The following FAIM variants were observed in gnomAD, a reference collection of about 807,000 sequenced individuals.
FAIM encodes the protein Fas apoptotic inhibitory molecule, also known as fas apoptotic inhibitory molecule 1.
FAIM carries 14 observed loss-of-function variants against 21.2 expected under a neutral mutation model. The observed-to-expected ratio is 0.66, with a 90% CI of 0.44 to 1.03. The LOEUF is 1.03. FAIM is among the 50% of genes least tolerant of loss of function. The probability of loss-of-function intolerance (pLI) is 0.00; values close to 1 mark genes in which losing one functional copy is unlikely to be tolerated. For missense variants in FAIM, 222 were observed against 247.1 expected (o/e 0.90, Z 0.68); for synonymous variants, 86 against 80.4 (o/e 1.07, Z -0.37).
intron 5 of FAIM, among the ~76,000 whole-genome samples, chr3:138,632,382 T>C (rs1428681156): frequency 1.3e-5 from 2 of 152,114 alleles, no homozygotes; most frequent in Non-Finnish European, 2.9e-5. Flanking sequence ...GACTAGTCAA[T>C]TTGAAGTGCC....
intron 4 of FAIM, among the ~76,000 whole-genome samples, chr3:138,628,834 A>AG (rs1195787596): frequency 6.6e-6 from 1 of 152,126 alleles, no homozygotes; most frequent in African/African-American, 2.4e-5. Context: ...TTGTTTCATA[A>AG]GGCTTCATCA....
chr3:138,621,409 C>T lies in FAIM; in HGVS notation c.47C>T (p.Pro16Leu). ...ATTGCTTTATTTTATTCCTTTAGCCCTCCTTACAGCCTAGAAAAAATGACA... is the reference window on the plus strand; with the variant it reads ...ATTGCTTTATTTTATTCCTTTAGCCTTCCTTACAGCCTAGAAAAAATGACA... ...DSPIFEDDES[P>L]PYSLEKMTDL... Residue 16 changes from proline to leucine, a missense_variant and splice_region_variant, in exon 3 of 6, where the codon CCT (proline) becomes CTT (leucine). Physicochemically the swap from Pro to Leu is moderately conservative, Grantham distance 98 (BLOSUM62 -3). Transcript: ENST00000360570. 6.2e-7 allele frequency: 1 copy of T among 1,613,502 alleles called. No individual in the cohort carries two copies. Among genetic ancestry groups the T allele is most frequent in the Non-Finnish European group, 8.5e-7 (1 of 1,179,844 alleles).
intron 1 of FAIM, among the ~76,000 whole-genome samples, chr3:138,618,956 A>G (rs1477451473): frequency 6.6e-6 from 1 of 152,258 alleles, no homozygotes; most frequent in Non-Finnish European, 1.5e-5. Flanking sequence ...CTTAATTAAC[A>G]CTGCAGCCCA....
intron 5 of FAIM, among the ~76,000 whole-genome samples, chr3:138,631,954 G>A (rs944375875): frequency 6.6e-6 from 1 of 151,972 alleles, no homozygotes; most frequent in Non-Finnish European, 1.5e-5. Flanking sequence ...TGTTAACTGG[G>A]GGGCCTTGTT....
At chr3:138,614,897 T>C (rs1305162327) in intron 1 of FAIM, among the ~76,000 whole-genome samples, 1 of 151,940 alleles carries the variant, frequency 6.6e-6, no homozygotes, top group Non-Finnish European at 1.5e-5. Flanking sequence ...GCATTGAATA[T>C]ACCATTGCAC....
intron 4 of FAIM, among the ~76,000 whole-genome samples, chr3:138,627,518 T>G (rs2042951764): frequency 6.6e-6 from 1 of 152,132 alleles, no homozygotes; most frequent in South Asian, 2.1e-4. Flanking sequence ...TTAATACATT[T>G]TCTTTTAGGG....
intron 2 of FAIM, among the ~76,000 whole-genome samples, chr3:138,620,900 T>C (rs1417156642): frequency 6.6e-6 from 1 of 152,232 alleles, no homozygotes; most frequent in African/African-American, 2.4e-5. Flanking sequence ...TTCCATGACT[T>C]TTTTCTGTCT....
chr3:138,613,498 T>G (rs749780992), intron 1 of FAIM, among the ~76,000 whole-genome samples: 13 of 152,346 alleles, frequency 8.5e-5, no homozygotes, highest in Non-Finnish European at 1.6e-4. Context: ...GTTTTTGTTT[T>G]TTTGAGACAG....
chr3:138,621,369 T>C lies in FAIM; in HGVS notation c.45-38T>C, dbSNP rs571665901. The C allele has an allele frequency of 5.5e-5, 88 of 1,596,492 alleles. No homozygotes were observed. The South Asian group carries it at 8.9e-4, about 16-fold the overall frequency. On this transcript the variant is annotated intron_variant, in intron 2 of 5. Transcript: ENST00000360570. ...GGATTAATTGGTTATTTAATTAGTATTTTGGCCTACTATAATTGCTTTATT... is the reference window on the plus strand; with the variant it reads ...GGATTAATTGGTTATTTAATTAGTACTTTGGCCTACTATAATTGCTTTATT...
chr3:138,617,126 T>C (rs1482433899), intron 1 of FAIM, among the ~76,000 whole-genome samples: 4 of 151,978 alleles, frequency 2.6e-5, no homozygotes, highest in Admixed American at 6.6e-5. Flanking sequence ...TGGTATTGCC[T>C]TTTATACTTC....
rs548311651 is a variant in FAIM at position 138,616,367 on chromosome 3, C to T, written c.-16-3344C>T. ...CTTTTAATGTTCCAAAGAATAATTTCGTTTGTTTTGTTGTTGTTGTTTTTT... is the reference window on the plus strand; with the variant it reads ...CTTTTAATGTTCCAAAGAATAATTTTGTTTGTTTTGTTGTTGTTGTTTTTT... On this transcript the variant is annotated intron_variant, in intron 1 of 5. Transcript: ENST00000360570. Among the ~76,000 whole-genome samples the T allele has an allele frequency of 4.9e-4, 75 of 152,218 alleles. 1 individual carries two copies. Among genetic ancestry groups the T allele is most frequent in the African/African-American group, 9.6e-4 (40 of 41,524 alleles).
chr3:138,624,827 T>G (rs1177136760), intron 4 of FAIM, among the ~76,000 whole-genome samples: 1 of 152,082 alleles, frequency 6.6e-6, no homozygotes, highest in Admixed American at 6.5e-5. Context: ...ATTTAGTACA[T>G]GTAAAGTACT....
intron 5 of FAIM, 140 bp from the exon 6 acceptor site, chr3:138,632,778 CTAAGTACAAGCT>C (rs2043019224): frequency 3.2e-6 from 2 of 624,282 alleles, no homozygotes; most frequent in Non-Finnish European, 5.0e-6. Context: ...GTAAAAGCAT[CTAAGTACAAGCT>C]TTAGACTTTG....
Position 138,622,221 on chromosome 3 carries a change from G to A in FAIM, c.211G>A (p.Val71Met). 1 of 1,612,154 alleles carries A rather than the reference G, an allele frequency of 6.2e-7. No homozygotes were observed. The highest frequency in any genetic ancestry group is 2.2e-5 in the East Asian group (1 of 44,840). The change falls in exon 4 of 6, where the codon GTG becomes ATG. Residue 71 changes from valine to methionine, a missense_variant. Coordinates refer to ENST00000360570, the MANE Select transcript of FAIM (RefSeq NM_001033031.2). ...AAGAAAAGAGTGGATGTTCAAATTA[G>A]TGGGCAAAGAAACATTCTATGTTGG... ...EIRKEWMFKLVGKETFYVGAA... is the reference protein window; with the variant it reads ...EIRKEWMFKLMGKETFYVGAA...
At chr3:138,629,271 C>G (rs1157860949) in intron 5 of FAIM, 115 bp downstream of exon 5, 5 of 814,352 alleles carry the variant, frequency 6.1e-6, no homozygotes, top group Non-Finnish European at 7.8e-6. Flanking sequence ...TTGATAAAAA[C>G]AAAAAAGGGA....
chr3:138,613,974 A>G (rs111411876), intron 1 of FAIM, among the ~76,000 whole-genome samples: 38 of 152,300 alleles, frequency 2.5e-4, no homozygotes, highest in African/African-American at 8.9e-4. Context: ...ATGGTGTGAG[A>G]TAGGTGAGGT....
intron 1 of FAIM, among the ~76,000 whole-genome samples, chr3:138,617,345 T>A (rs1024031675): frequency 6.7e-6 from 1 of 148,892 alleles, no homozygotes; most frequent in Non-Finnish European, 1.5e-5. Flanking sequence ...TCAAAGTTTA[T>A]ATTATGCTGT....
intron 1 of FAIM, among the ~76,000 whole-genome samples, chr3:138,615,407 A>C (rs1268695505): frequency 6.6e-6 from 1 of 152,196 alleles, no homozygotes; most frequent in African/African-American, 2.4e-5. Context: ...TTCTGATATT[A>C]CTTTGTATAG....
intron 1 of FAIM, among the ~76,000 whole-genome samples, chr3:138,615,226 C>T (rs183372306): frequency 3.7e-4 from 57 of 152,316 alleles, no homozygotes; most frequent in Admixed American, 3.1e-3. Context: ...TATGGGTACT[C>T]AAAGTATGGT....
Sources: allele counts gnomAD v4.1 joint callset (sites outside exome capture counted in the v4.1 genomes callset), GRCh38; gene constraint gnomAD v4.1.1; transcripts MANE v1.5; gene names NCBI Gene and HGNC (gene_info 2026-07-23, HGNC 2026-07-21).